The following CYTH1 variants were observed in gnomAD, a reference collection of about 807,000 sequenced individuals.
CYTH1 encodes cytohesin 1, also known as cytohesin-1.
A neutral mutation model predicts 61.8 loss-of-function variants in CYTH1; 18 were observed. The observed-to-expected ratio is 0.29, with a 90% confidence interval of 0.20 to 0.43. CYTH1 has a LOEUF of 0.43. Ranked by LOEUF, CYTH1 falls within the 20% of genes least tolerant of loss-of-function variation. The probability of loss-of-function intolerance (pLI) is 1.00; values close to 1 mark genes in which losing one functional copy is unlikely to be tolerated. For synonymous variants in CYTH1, 174 were observed against 184.3 expected, an observed-to-expected ratio of 0.94 and a Z score of 0.45; for missense variants, 336 against 510.5, an observed-to-expected ratio of 0.66 and a Z score of 3.29.
intron 1 of CYTH1, among the ~76,000 whole-genome samples, chr17:78,771,919 C>G (rs1045059402): frequency 6.6e-6 from 1 of 152,130 alleles, no homozygotes; most frequent in Non-Finnish European, 1.5e-5. Context: ...TAGAAATCCC[C>G]TACATACCCT....
At chr17:78,680,031 C>T (rs1391761206) in intron 13 of CYTH1, among the ~76,000 whole-genome samples, 159 bp downstream of exon 13, 1 of 152,192 alleles carries the variant, frequency 6.6e-6, no homozygotes, top group Non-Finnish European at 1.5e-5. Context: ...ATCCAAAGGC[C>T]TCCTGGGAAG....
At chr17:78,676,730 G>A (rs901159796) in intron 13 of CYTH1, 5 of 337,932 alleles carry the variant, frequency 1.5e-5, no homozygotes, top group Non-Finnish European at 2.9e-5. Flanking sequence ...GGCTGGACCT[G>A]GCTGGGTCTC....
In CYTH1 at chr17:78,697,325, CAAAAAAAAAA is replaced by C. The variant is rs5822262; in HGVS notation, c.811+934_811+943del. Among the ~76,000 whole-genome samples, 46 of 95,312 alleles carry C rather than the reference CAAAAAAAAAA, an allele frequency of 4.8e-4. No individual in the cohort carries two copies. In the South Asian group the frequency reaches 4.9e-3, roughly 10 times the overall value. 62.5% of individuals were successfully genotyped at this position (95,312 alleles called of 152,430 possible). A position where few individuals can be genotyped will look rare whatever the true frequency, so the allele number is the denominator to read the frequency against. ...CAGAGGAAAGTACCCTGCTAGTGTC[CAAAAAAAAAA>C]AAAAAAAAAGGACATCATTATGTCC... On this transcript the variant is annotated intron_variant, in intron 9 of 13. Transcript: ENST00000446868.
chr17:78,744,459 C>G (rs1200296994), intron 1 of CYTH1, among the ~76,000 whole-genome samples: 2 of 152,148 alleles, frequency 1.3e-5, no homozygotes, highest in Non-Finnish European at 2.9e-5. Flanking sequence ...TCCAAAGTCC[C>G]GAAGAACATC....
At chr17:78,745,435 T>C (rs2093355993) in intron 1 of CYTH1, among the ~76,000 whole-genome samples, 1 of 152,126 alleles carries the variant, frequency 6.6e-6, no homozygotes, top group African/African-American at 2.4e-5. Context: ...AAACCTGAAA[T>C]TGAAATAAAC....
chr17:78,702,461 A>G, intron 4 of CYTH1, 77 bp downstream of exon 4: 1 of 1,488,186 alleles, frequency 6.7e-7, no homozygotes, highest in East Asian at 2.3e-5. Flanking sequence ...TTGGAAAAAA[A>G]CGTTTTTAGG....
chr17:78,708,146 GC>G, intron 3 of CYTH1, 50 bp downstream of exon 3: 2 of 1,579,910 alleles, frequency 1.3e-6, no homozygotes, highest in Non-Finnish European at 1.7e-6. Flanking sequence ...AGGCCTGGGT[GC>G]TTTAAGGAAT....
Position 78,700,033 on chromosome 17 carries a change from C to T in CYTH1, c.550+298G>A, listed in dbSNP as rs558507344. 6.6e-6 allele frequency among the ~76,000 whole-genome samples: 1 copy of T among 152,248 alleles called. No individual in the cohort carries two copies. Among genetic ancestry groups the T allele is most frequent in the African/African-American group, 2.4e-5 (1 of 41,546 alleles). On this transcript the variant is annotated intron_variant, in intron 7 of 13. Coordinates refer to ENST00000446868, the MANE Select transcript of CYTH1 (RefSeq NM_004762.6). The surrounding 1 kb of genome is among the most constrained non-coding windows in gnomAD (Gnocchi z 5.1). ...CTCAAACTCCTAGCCTCAAGCAATC[C>T]TCTCACCTCGGCCTCCCACCCAAGG... is the stretch of plus-strand genomic sequence containing the variant.
At position 78,680,362 on chromosome 17, in the gene CYTH1, G is replaced by C; in HGVS notation, c.964-18C>G. The C allele has an allele frequency of 2.5e-6, 4 of 1,604,062 alleles. No individual in the cohort carries two copies. Among genetic ancestry groups the C allele is most frequent in the Non-Finnish European group, 3.4e-6 (4 of 1,173,736 alleles). ...AAGCAGTTCTGAGAATCAAAACAGA[G>C]AGGGAGAGAGTGGAGCAAAGGAAGC... is the stretch of plus-strand genomic sequence containing the variant. On this transcript the variant is annotated intron_variant, in intron 12 of 13. Coordinates refer to ENST00000446868, the MANE Select transcript of CYTH1 (RefSeq NM_004762.6).
At chr17:78,726,406 G>GC (rs968111884) in intron 1 of CYTH1, among the ~76,000 whole-genome samples, 6 of 150,390 alleles carry the variant, frequency 4.0e-5, no homozygotes, top group Non-Finnish European at 8.8e-5. Context: ...TGTGGAAGAG[G>GC]CCCCCTGTCA....
chr17:78,702,036 A>G, intron 5 of CYTH1, 86 bp downstream of exon 5: 2 of 1,178,000 alleles, frequency 1.7e-6, no homozygotes, highest in Non-Finnish European at 2.5e-6. Flanking sequence ...AACCCCTCCA[A>G]GAACTTCAGA....
chr17:78,726,103 G>A (rs1308537856), intron 1 of CYTH1, among the ~76,000 whole-genome samples: 8 of 150,026 alleles, frequency 5.3e-5, no homozygotes, highest in Non-Finnish European at 1.0e-4. Flanking sequence ...GAGTGCAGTG[G>A]CGCGATCTCG....
At chr17:78,726,153 C>T (rs2093265562) in intron 1 of CYTH1, among the ~76,000 whole-genome samples, 1 of 150,816 alleles carries the variant, frequency 6.6e-6, no homozygotes, top group Admixed American at 6.6e-5. Flanking sequence ...ACGCCATTCT[C>T]CTGCCTCAGC....
At chr17:78,754,110 C>A (rs1159693952) in intron 1 of CYTH1, among the ~76,000 whole-genome samples, 2 of 151,994 alleles carry the variant, frequency 1.3e-5, no homozygotes, top group African/African-American at 2.4e-5. Context: ...GTGTCAGGAC[C>A]GTCGTGGACA....
chr17:78,682,629 T>C (rs2092775281), intron 11 of CYTH1, among the ~76,000 whole-genome samples: 1 of 152,244 alleles, frequency 6.6e-6, no homozygotes, highest in Non-Finnish European at 1.5e-5. Flanking sequence ...ATGTTTCTAT[T>C]GGACCCTCAC....
intron 5 of CYTH1, 43 bp downstream of exon 5, chr17:78,702,079 T>C (rs746097995): frequency 2.7e-6 from 4 of 1,480,798 alleles, no homozygotes; most frequent in Middle Eastern, 1.9e-4. Flanking sequence ...GTGTCGTTCC[T>C]GAACAGCCTT....
chr17:78,732,635 T>C (rs1187239176), intron 1 of CYTH1, among the ~76,000 whole-genome samples: 2 of 152,164 alleles, frequency 1.3e-5, no homozygotes, highest in East Asian at 1.9e-4. Flanking sequence ...GATGTAACCA[T>C]TTCTGATTCT....
At chr17:78,692,102 A>T in intron 11 of CYTH1, 1 of 280,794 alleles carries the variant, frequency 3.6e-6, no homozygotes, top group Non-Finnish European at 6.7e-6. Flanking sequence ...CTCGGCAACC[A>T]ATGCAAATTC....
At chr17:78,688,396 A>G (rs575743677) in intron 11 of CYTH1, among the ~76,000 whole-genome samples, 33 of 152,352 alleles carry the variant, frequency 2.2e-4, no homozygotes, top group Non-Finnish European at 3.7e-4. Context: ...AGACTCGTCA[A>G]CCTGGATTGA....
Sources: allele counts gnomAD v4.1 joint callset (sites outside exome capture counted in the v4.1 genomes callset), GRCh38; gene constraint gnomAD v4.1.1; non-coding constraint Gnocchi (gnomAD v3.1); transcripts MANE v1.5; gene names NCBI Gene and HGNC (gene_info 2026-07-23, HGNC 2026-07-21).